HARS1: variants seen among roughly 807,000 people sequenced by gnomAD.
HARS1 encodes the protein histidyl-tRNA synthetase 1.
Under a neutral mutation model 63.6 loss-of-function variants are expected in HARS1, and 45 were observed. The observed-to-expected ratio is 0.71, with a 90% confidence interval of 0.56 to 0.91. The LOEUF is 0.91. HARS1 is among the 40% of genes least tolerant of loss of function. The pLI, the probability that HARS1 is intolerant of heterozygous loss-of-function variation, is 0.00. For synonymous variants in HARS1, 205 were observed against 247.1 expected (o/e 0.83, Z 1.60); for missense variants, 508 against 643.2 (o/e 0.79, Z 2.27).
chr5:140,674,151 C>A lies in HARS1; in HGVS notation c.*106G>T. The stretch of plus-strand genomic sequence containing the variant: ...GCTCTGTTCTGACCACTCTTCAGGT[C>A]TTCCGCTGAAACGGAAAAGTGCAAA... On this transcript the variant is annotated 3_prime_UTR_variant, in exon 13 of 13. Transcript: ENST00000504156. 1 of 789,480 alleles carries A rather than the reference C, an allele frequency of 1.3e-6. No individual in the cohort carries two copies. Among genetic ancestry groups the A allele is most frequent in the South Asian group, 1.4e-5 (1 of 72,116 alleles). The allele number at this position is 789,480 out of a possible 1,614,324, so 48.9% of individuals were successfully genotyped here.
At chr5:140,689,330 T>C (rs1359461931) in intron 2 of HARS1, among the ~76,000 whole-genome samples, 1 of 152,244 alleles carries the variant, frequency 6.6e-6, no homozygotes, top group African/African-American at 2.4e-5. Context: ...TAAAATTATA[T>C]GCACATCCTC....
chr5:140,681,148 T>C (rs1332898925), intron 3 of HARS1, among the ~76,000 whole-genome samples: 1 of 152,142 alleles, frequency 6.6e-6, no homozygotes, highest in African/African-American at 2.4e-5. Context: ...TCAGAAACAG[T>C]AACACACTAG....
chr5:140,689,634 T>C (rs547329895), intron 2 of HARS1, among the ~76,000 whole-genome samples: 2 of 152,284 alleles, frequency 1.3e-5, no homozygotes, highest in East Asian at 3.9e-4. Flanking sequence ...TTCCCCTGAA[T>C]GGTTTTGATC....
intron 2 of HARS1, among the ~76,000 whole-genome samples, chr5:140,689,245 C>T (rs1194566764): frequency 1.3e-5 from 2 of 152,126 alleles, no homozygotes; most frequent in African/African-American, 2.4e-5. Context: ...TAGAATCATC[C>T]CTCAGTATCC....
intron 10 of HARS1, chr5:140,675,407 C>A: frequency 3.3e-6 from 1 of 302,460 alleles, no homozygotes; most frequent in Non-Finnish European, 6.2e-6. Context: ...CCATGTAGTA[C>A]CTTTTTTTTT....
At chr5:140,677,278 A>G in intron 8 of HARS1, 49 bp downstream of exon 8, 1 of 1,467,082 alleles carries the variant, frequency 6.8e-7, no homozygotes, top group Non-Finnish European at 9.5e-7. Flanking sequence ...CAACTTTAGG[A>G]CTGAGGGCAG....
intron 5 of HARS1, chr5:140,678,589 A>C (rs1284600097): frequency 5.9e-6 from 1 of 168,188 alleles, no homozygotes; most frequent in Non-Finnish European, 1.3e-5. Context: ...TCACGCCTGT[A>C]ATCCCAGCAC....
In HARS1 at chr5:140,676,636, C is replaced by G. The variant is rs988352231; in HGVS notation, c.1194+18G>C. Reference sequence around the variant, plus strand: ...ACCACCTGCTCAGACTATCTTCTACCTACCTCCTAGGACCTACCTCTAGTC... The same window carrying G: ...ACCACCTGCTCAGACTATCTTCTACGTACCTCCTAGGACCTACCTCTAGTC... On this transcript the variant is annotated intron_variant, in intron 10 of 12. Transcript: ENST00000504156. The surrounding 1 kb of genome is among the most constrained non-coding windows in gnomAD (Gnocchi z 4.1). 1.2e-6 allele frequency: 2 copies of G among 1,610,902 alleles called. No homozygotes were observed. The highest frequency in any genetic ancestry group is 1.1e-5 in the South Asian group (1 of 90,942).
chr5:140,683,584 C>G, intron 2 of HARS1: 2 of 788,528 alleles, frequency 2.5e-6, no homozygotes, highest in Non-Finnish European at 3.1e-6. Context: ...GTAATCCCAG[C>G]ACTTCGGGAG....
chr5:140,674,265 T>C lies in HARS1; in HGVS notation c.1522A>G (p.Ile508Val), dbSNP rs1758214739. The C allele has an allele frequency of 6.2e-7, 1 of 1,604,724 alleles. No homozygotes were observed. Among genetic ancestry groups the C allele is most frequent in the South Asian group, 1.1e-5 (1 of 90,898 alleles). Reference protein sequence around the residue: ...IKRRTGQPLCIC With the variant: ...IKRRTGQPLCVC ...CTGATAGTTTGTTCAGTTCAGCAGATGCAGAGGGGCTGGCCTGTTCTCCTT... is the reference window on the plus strand; with the variant it reads ...CTGATAGTTTGTTCAGTTCAGCAGACGCAGAGGGGCTGGCCTGTTCTCCTT... The change falls in exon 13 of 13, where the codon ATC (isoleucine) becomes GTC (valine). Residue 508 changes from isoleucine to valine, a missense_variant. Ile to Val is a conservative substitution (Grantham distance 29). Transcript: ENST00000504156.
At position 140,676,466 on chromosome 5, in the gene HARS1, T is replaced by C. The variant is rs1220556556; in HGVS notation, c.1194+188A>G. 1.3e-5 allele frequency: 9 copies of C among 681,354 alleles called. 1 individual carries two copies. The highest frequency in any genetic ancestry group is 1.3e-4 in the South Asian group (7 of 53,852). 42.2% of individuals were successfully genotyped at this position (681,354 alleles called of 1,614,324 possible). Reference sequence around the variant, plus strand: ...GAGCAGAGGATTGAGTGCAGAAAGATTATGGATTAAAGATCCATAAAACTT... The same window carrying C: ...GAGCAGAGGATTGAGTGCAGAAAGACTATGGATTAAAGATCCATAAAACTT... On this transcript the variant is annotated intron_variant, in intron 10 of 12. Coordinates refer to ENST00000504156, the MANE Select transcript of HARS1 (RefSeq NM_002109.6). The surrounding 1 kb of genome is among the most constrained non-coding windows in gnomAD (Gnocchi z 4.1).
In HARS1 at chr5:140,676,650, C is replaced by T. The variant is rs370189312; in HGVS notation, c.1194+4G>A. The T allele has an allele frequency of 1.5e-5, 25 of 1,613,888 alleles. No individual in the cohort carries two copies. The highest frequency in any genetic ancestry group is 1.9e-5 in the Non-Finnish European group (23 of 1,179,874). On this transcript the variant is annotated splice_donor_region_variant and intron_variant, in intron 10 of 12. Transcript: ENST00000504156. This position sits in a 1 kb window ranked among gnomAD's most constrained non-coding sequence, Gnocchi z 4.1. ...CTATCTTCTACCTACCTCCTAGGACCTACCTCTAGTCTCTGTTCCACGATG... is the reference window on the plus strand; with the variant it reads ...CTATCTTCTACCTACCTCCTAGGACTTACCTCTAGTCTCTGTTCCACGATG...
rs112701444 is a variant in HARS1, at chr5:140,681,091, C to A, written c.301-1208G>T. 2.3e-3 allele frequency among the ~76,000 whole-genome samples: 346 copies of A among 152,140 alleles called. 2 individuals carry two copies. The highest frequency in any genetic ancestry group is 4.6e-3 in the Admixed American group (70 of 15,262). On this transcript the variant is annotated intron_variant, in intron 3 of 12. Coordinates refer to ENST00000504156, the MANE Select transcript of HARS1 (RefSeq NM_002109.6). ...CATCGGTAATAGCATATTTCACTTA[C>A]CAGGTTGGCAAAGATTAAAAAGCCT...
intron 7 of HARS1, 73 bp from the exon 8 acceptor site, chr5:140,677,493 G>A: frequency 7.8e-7 from 1 of 1,282,394 alleles, no homozygotes; most frequent in East Asian, 2.3e-5. Context: ...ACTGTCCTCG[G>A]GGAACCGTTT....
At chr5:140,680,831 A>T (rs1256951703) in intron 3 of HARS1, among the ~76,000 whole-genome samples, 1 of 150,330 alleles carries the variant, frequency 6.7e-6, no homozygotes, top group Non-Finnish European at 1.5e-5. Flanking sequence ...CGAGAGTGAA[A>T]CTCTGTCTCA....
At chr5:140,680,484 A>C (rs1758655588) in intron 3 of HARS1, among the ~76,000 whole-genome samples, 1 of 152,134 alleles carries the variant, frequency 6.6e-6, no homozygotes, top group African/African-American at 2.4e-5. Context: ...CAGTGAGAAG[A>C]AGCTCTGTAC....
In HARS1 at chr5:140,676,735, G is replaced by T. The variant is rs1314764858; in HGVS notation, c.1113C>A (p.Asp371Glu). 1 of 1,614,082 alleles carries T rather than the reference G, an allele frequency of 6.2e-7. No individual in the cohort carries two copies. Among genetic ancestry groups the T allele is most frequent in the African/African-American group, 1.3e-5 (1 of 74,924 alleles). ...GRYDGLVGMFDPKGRKVPCVG... is the reference protein window; with the variant it reads ...GRYDGLVGMFEPKGRKVPCVG... ...CACATGGCACCTTGCGCCCTTTGGG[G>T]TCGAACATGCCCACTAGCCCATCAT... Residue 371 changes from aspartate to glutamate, a missense_variant, in exon 10 of 13, where the codon GAC (aspartate) becomes GAA (glutamate). This residue lies in a region of HARS1 where 403 missense variants were observed against 548.7 expected (regional missense o/e 0.73). Transcript: ENST00000504156. The surrounding 1 kb of genome is among the most constrained non-coding windows in gnomAD (Gnocchi z 4.1).
Position 140,676,962 on chromosome 5 carries a change from A to C in HARS1, c.951+27T>G. ...GGGACCTGAAGCCCCAGAGCTCAGA[A>C]GGGATCCCGTCCCCAACTTGACTCA... On this transcript the variant is annotated intron_variant, in intron 9 of 12. Coordinates refer to ENST00000504156, the MANE Select transcript of HARS1 (RefSeq NM_002109.6). The surrounding 1 kb of genome is among the most constrained non-coding windows in gnomAD (Gnocchi z 4.1). The C allele has an allele frequency of 6.2e-7, 1 of 1,614,246 alleles. No individual in the cohort carries two copies. Among genetic ancestry groups the C allele is most frequent in the East Asian group, 2.2e-5 (1 of 44,888 alleles).
intron 2 of HARS1, among the ~76,000 whole-genome samples, chr5:140,689,902 T>G (rs1759275303): frequency 6.6e-6 from 1 of 152,216 alleles, no homozygotes; most frequent in Admixed American, 6.5e-5. Context: ...TCTACTCTCC[T>G]TAACTTAGTT....
Sources: gnomAD v4.1 joint callset for allele counts (sites outside exome capture counted in the v4.1 genomes callset) on GRCh38, gnomAD v4.1.1 for gene constraint, gnomAD v4.1.1 regional missense constraint, Gnocchi (gnomAD v3.1) non-coding constraint, MANE v1.5 for transcripts, NCBI Gene and HGNC (gene_info 2026-07-23, HGNC 2026-07-21) for gene names.